The following ROBO2 variants were observed in gnomAD, a reference collection of about 807,000 sequenced individuals.
ROBO2 encodes roundabout homolog 2.
ROBO2 carries 53 observed loss-of-function variants against 160.8 expected under a neutral mutation model. The ratio of observed to expected loss-of-function variants is 0.33; its 90% CI spans 0.26 to 0.41. The LOEUF (loss-of-function observed/expected upper bound fraction) is 0.41, where lower values mean the gene tolerates loss of function less well. Ranked by LOEUF, ROBO2 falls within the 10% of genes least tolerant of loss-of-function variation. The pLI is 1.00. For missense variants in ROBO2, 1,577 were observed against 1,722.4 expected (o/e 0.92, Z 1.49); for synonymous variants, 664 against 611.7 (o/e 1.09, Z -1.26).
In ROBO2 at chr3:77,164,257, G is replaced by A. The variant is rs1454181629; in HGVS notation, c.388+65917G>A. Among the ~76,000 whole-genome samples, 4 of 152,302 alleles carry A rather than the reference G, an allele frequency of 2.6e-5. No individual in the cohort carries two copies. In the South Asian group the frequency reaches 6.2e-4, roughly 24 times the overall value. ...CATTTGTGTAAAAATTGAACCAGAC[G>A]TAGAAAATGAGGTGTAAAACAACTC... On this transcript the variant is annotated intron_variant, in intron 2 of 25. Transcript: ENST00000461745.
intron 2 of ROBO2, among the ~76,000 whole-genome samples, chr3:76,035,769 T>C (rs1427828119): frequency 6.6e-6 from 1 of 152,020 alleles, no homozygotes; most frequent in Non-Finnish European, 1.5e-5. Flanking sequence ...TCATTATCGA[T>C]TGAAAACAAT....
chr3:77,286,742 C>T (rs1391353884), intron 2 of ROBO2, among the ~76,000 whole-genome samples: 1 of 152,196 alleles, frequency 6.6e-6, no homozygotes, highest in Non-Finnish European at 1.5e-5. Context: ...TTATCCTTCA[C>T]AGAACTATAT....
chr3:77,364,635 C>A (rs2070560729), intron 2 of ROBO2, among the ~76,000 whole-genome samples: 1 of 151,590 alleles, frequency 6.6e-6, no homozygotes. Flanking sequence ...CAAATAGTTT[C>A]TCTAAGCTCA....
chr3:76,109,377 T>C (rs1273812037), intron 2 of ROBO2, among the ~76,000 whole-genome samples: 1 of 152,048 alleles, frequency 6.6e-6, no homozygotes, highest in Non-Finnish European at 1.5e-5. Context: ...TTTGAAAATT[T>C]AGAAGGGTAG....
rs116123474 is a variant in ROBO2, at chr3:77,312,081, A to T, written c.389-165333A>T. Among the ~76,000 whole-genome samples, 1,401 of 152,234 alleles carry T rather than the reference A, an allele frequency of 9.2e-3. 25 individuals are homozygous for T. Among genetic ancestry groups the T allele is most frequent in the African/African-American group, 0.032 (1,339 of 41,540 alleles). On this transcript the variant is annotated intron_variant, in intron 2 of 25. Transcript: ENST00000461745. ...AGCCTCGGCGACACAGCGAGATTAC[A>T]TCTCAAAAAAGAAAAAAAAATGATT...
chr3:76,824,866 T>C (rs777299381), intron 2 of ROBO2, among the ~76,000 whole-genome samples: 2 of 152,174 alleles, frequency 1.3e-5, no homozygotes, highest in East Asian at 3.9e-4. Flanking sequence ...GGAGAAGCTG[T>C]AGCTGTGGCC....
chr3:77,177,170 G>A (rs2080240172), intron 2 of ROBO2, among the ~76,000 whole-genome samples: 1 of 151,986 alleles, frequency 6.6e-6, no homozygotes, highest in African/African-American at 2.4e-5. Context: ...TAAAAATGCA[G>A]CCAAAATATT....
At chr3:76,863,353 T>C (rs925071001) in intron 2 of ROBO2, among the ~76,000 whole-genome samples, 1 of 150,770 alleles carries the variant, frequency 6.6e-6, no homozygotes, top group Non-Finnish European at 1.5e-5. Context: ...TTTTTAAAAA[T>C]CAGATTGTTG....
intron 2 of ROBO2, among the ~76,000 whole-genome samples, chr3:76,252,202 G>C (rs760353391): frequency 2.0e-5 from 3 of 152,028 alleles, no homozygotes; most frequent in Non-Finnish European, 4.4e-5. Flanking sequence ...ATCACCATTT[G>C]TATAGTGAAT....
At chr3:76,941,542 T>C (rs1280273895) in intron 2 of ROBO2, among the ~76,000 whole-genome samples, 2 of 152,212 alleles carry the variant, frequency 1.3e-5, no homozygotes, top group African/African-American at 4.8e-5. Flanking sequence ...CAAATTATTT[T>C]AAAACTGAGT....
chr3:76,238,537 C>T (rs995216848), intron 2 of ROBO2, among the ~76,000 whole-genome samples: 4 of 150,484 alleles, frequency 2.7e-5, no homozygotes, highest in African/African-American at 9.8e-5. Flanking sequence ...GATGTAATCA[C>T]CTCCCCCCAG....
Position 77,235,414 on chromosome 3 carries a change from G to A in ROBO2, c.388+137074G>A, listed in dbSNP as rs372627467. On this transcript the variant is annotated intron_variant, in intron 2 of 25. Transcript: ENST00000461745. ...GTCGCCCAGGCTGGAGTGCAGTGGC[G>A]CGATCTCGACTCACTGCAAGCTCTG... Among the ~76,000 whole-genome samples the A allele has an allele frequency of 3.4e-3, 515 of 150,466 alleles. 1 individual carries two copies. The highest frequency in any genetic ancestry group is 0.012 in the African/African-American group (486 of 40,984).
At chr3:77,470,914 T>C (rs1419627310) in intron 2 of ROBO2, among the ~76,000 whole-genome samples, 3 of 152,298 alleles carry the variant, frequency 2.0e-5, no homozygotes, top group African/African-American at 7.2e-5. Context: ...AGGAAAGACT[T>C]GTGTTCAGTG....
At chr3:76,695,362 T>C (rs1037307607) in intron 2 of ROBO2, among the ~76,000 whole-genome samples, 1 of 152,152 alleles carries the variant, frequency 6.6e-6, no homozygotes, top group Non-Finnish European at 1.5e-5. Flanking sequence ...ATTGTTTGTT[T>C]CTTAGTAGGC....
intron 2 of ROBO2, among the ~76,000 whole-genome samples, chr3:76,593,676 G>A (rs2108852280): frequency 6.6e-6 from 1 of 152,008 alleles, no homozygotes; most frequent in East Asian, 1.9e-4. Flanking sequence ...TATTTTTTCA[G>A]AAACACTAGT....
At chr3:77,585,116 A>C (rs2153680965) in intron 16 of ROBO2, among the ~76,000 whole-genome samples, 1 of 151,352 alleles carries the variant, frequency 6.6e-6, no homozygotes, top group South Asian at 2.1e-4. Context: ...ACTGTCAAAT[A>C]ACGTATTTTC....
intron 2 of ROBO2, among the ~76,000 whole-genome samples, chr3:76,613,598 G>A (rs11925544): frequency 0.014 from 2,101 of 151,658 alleles, 43 homozygotes; most frequent in African/African-American, 0.046. Flanking sequence ...GAGAGAAGAC[G>A]GTAATGTTCA....
In ROBO2 at chr3:77,483,593, A is replaced by G. The variant is rs2084962219; in HGVS notation, c.667+2374A>G. 4.0e-5 allele frequency among the ~76,000 whole-genome samples: 6 copies of G among 151,790 alleles called. No homozygotes were observed. In the South Asian group the frequency reaches 1.2e-3, roughly 32 times the overall value. On this transcript the variant is annotated intron_variant, in intron 4 of 25. Coordinates refer to ENST00000461745, the Ensembl canonical transcript of ROBO2. Reference sequence around the variant, plus strand: ...TTTCACTTTTAAAGGTCTAGCTACTATAACCACTCTGTAGCTACAGAAGGT... The same window carrying G: ...TTTCACTTTTAAAGGTCTAGCTACTGTAACCACTCTGTAGCTACAGAAGGT...
In ROBO2 at chr3:75,991,635, A is replaced by G. The variant is rs551956667; in HGVS notation, c.109+54033A>G. Among the ~76,000 whole-genome samples, 42 of 152,222 alleles carry G rather than the reference A, an allele frequency of 2.8e-4. No homozygotes were observed. In the South Asian group the frequency reaches 8.5e-3, roughly 31 times the overall value. On this transcript the variant is annotated intron_variant, in intron 2 of 26. Transcript: ENST00000487694. ...CAAACTAATACAGTAAATTGGTACC[A>G]GTAGAGTGGAGTGTTGCTGAAAAGA...
Sources: allele counts gnomAD v4.1 joint callset (sites outside exome capture counted in the v4.1 genomes callset), GRCh38; gene constraint gnomAD v4.1.1; transcripts MANE v1.5; gene names NCBI Gene and HGNC (gene_info 2026-07-23, HGNC 2026-07-21).